The following PTPRR variants were observed in gnomAD, a reference collection of about 807,000 sequenced individuals.
PTPRR encodes protein tyrosine phosphatase receptor type R.
Under a neutral mutation model 77.2 loss-of-function variants are expected in PTPRR, and 38 were observed. The ratio of observed to expected loss-of-function variants is 0.49; its 90% CI spans 0.38 to 0.65. PTPRR has a LOEUF of 0.65. Ranked by LOEUF, PTPRR falls within the 30% of genes least tolerant of loss-of-function variation. The pLI is 0.00. For missense variants in PTPRR, 744 were observed against 799.2 expected (o/e 0.93, Z 0.83); for synonymous variants, 299 against 283.1 (o/e 1.06, Z -0.57).
intron 2 of PTPRR, among the ~76,000 whole-genome samples, chr12:70,774,106 T>C (rs75445087): frequency 4.7e-4 from 71 of 152,302 alleles, no homozygotes; most frequent in African/African-American, 1.7e-3. Flanking sequence ...TGAGACACTG[T>C]ATTGGAGACT....
At chr12:70,778,071 A>T (rs1215206294) in intron 2 of PTPRR, among the ~76,000 whole-genome samples, 1 of 152,206 alleles carries the variant, frequency 6.6e-6, no homozygotes, top group East Asian at 1.9e-4. Flanking sequence ...TTTCATTTCA[A>T]ATCGCTTCTT....
chr12:70,785,947 A>AT (rs1400870981), intron 2 of PTPRR, among the ~76,000 whole-genome samples: 13 of 151,922 alleles, frequency 8.6e-5, no homozygotes, highest in Non-Finnish European at 1.5e-4. Context: ...TTGGGATGTT[A>AT]TTTTTCCCAG....
chr12:70,737,724 T>C (rs1889919247), intron 6 of PTPRR, among the ~76,000 whole-genome samples: 1 of 152,142 alleles, frequency 6.6e-6, no homozygotes, highest in South Asian at 2.1e-4. Flanking sequence ...GGTCTCACTA[T>C]GTTGCCCAGG....
At chr12:70,794,115 C>T (rs1891468152) in intron 2 of PTPRR, among the ~76,000 whole-genome samples, 1 of 152,128 alleles carries the variant, frequency 6.6e-6, no homozygotes, top group Non-Finnish European at 1.5e-5. Flanking sequence ...TACTTTGTCT[C>T]TAGAATCCCC....
At chr12:70,891,432 G>C (rs1393708832) in intron 2 of PTPRR, among the ~76,000 whole-genome samples, 2 of 152,036 alleles carry the variant, frequency 1.3e-5, no homozygotes, top group African/African-American at 4.8e-5. Flanking sequence ...TCACTGAATA[G>C]ACAGAGTACA....
chr12:70,879,223 C>G (rs1893106855), intron 2 of PTPRR, among the ~76,000 whole-genome samples: 1 of 152,036 alleles, frequency 6.6e-6, no homozygotes, highest in East Asian at 1.9e-4. Context: ...GCACATTGCA[C>G]ACATGTACCC....
At chr12:70,647,168 T>C (rs1886230901) in intron 13 of PTPRR, among the ~76,000 whole-genome samples, 1 of 151,950 alleles carries the variant, frequency 6.6e-6, no homozygotes, top group Admixed American at 6.6e-5. Flanking sequence ...AATTTCCTGC[T>C]ACTCAGGAAG....
chr12:70,911,009 A>C (rs1038065014), intron 1 of PTPRR, among the ~76,000 whole-genome samples: 2 of 152,206 alleles, frequency 1.3e-5, no homozygotes, highest in African/African-American at 4.8e-5. Flanking sequence ...CTGAGGTAAA[A>C]TCAGCAGCGA....
At chr12:70,699,838 C>T (rs917240329) in intron 7 of PTPRR, among the ~76,000 whole-genome samples, 3 of 152,022 alleles carry the variant, frequency 2.0e-5, no homozygotes, top group Non-Finnish European at 4.4e-5. Context: ...ATCTTTATTC[C>T]TCCCCTTCTT....
chr12:70,737,486 A>ATATCTATCTATCTATCTATC (rs10643938), intron 6 of PTPRR, among the ~76,000 whole-genome samples: 37 of 144,242 alleles, frequency 2.6e-4, no homozygotes, highest in East Asian at 1.3e-3. Context: ...TATTTAATGA[A>ATATCTATCTATCTATCTATC]TATCTATCTA....
intron 6 of PTPRR, 37 bp from the exon 7 acceptor site, chr12:70,701,360 T>A: frequency 6.3e-7 from 1 of 1,579,834 alleles, no homozygotes; most frequent in Non-Finnish European, 8.7e-7. Flanking sequence ...AAACACCACA[T>A]ACTTATTTTG....
chr12:70,671,818 C>A, intron 10 of PTPRR: 1 of 556,994 alleles, frequency 1.8e-6, no homozygotes, highest in Non-Finnish European at 3.3e-6. Flanking sequence ...CGGCTAGCTG[C>A]AGTCATTGGT....
At chr12:70,830,432 G>T (rs1277005205) in intron 2 of PTPRR, among the ~76,000 whole-genome samples, 8 of 152,170 alleles carry the variant, frequency 5.3e-5, no homozygotes. Flanking sequence ...GCAGGGCAAA[G>T]GAGTATGGTT....
intron 5 of PTPRR, among the ~76,000 whole-genome samples, chr12:70,752,329 G>A (rs933179393): frequency 6.6e-6 from 1 of 152,088 alleles, no homozygotes; most frequent in Non-Finnish European, 1.5e-5. Context: ...TTCTTGATTT[G>A]TTCTAATAAC....
At chr12:70,818,736 A>G (rs1891952028) in intron 2 of PTPRR, among the ~76,000 whole-genome samples, 1 of 152,182 alleles carries the variant, frequency 6.6e-6, no homozygotes, top group Non-Finnish European at 1.5e-5. Flanking sequence ...CAGATATTCA[A>G]TCAATTTTAA....
In PTPRR at chr12:70,869,144, C is replaced by T. The variant is rs544182816; in HGVS notation, c.357+23535G>A. Among the ~76,000 whole-genome samples, 361 of 151,728 alleles carry T rather than the reference C, an allele frequency of 2.4e-3. 2 individuals carry two copies. The highest frequency in any genetic ancestry group is 0.01 in the Middle Eastern group (3 of 294). On this transcript the variant is annotated intron_variant, in intron 2 of 13. Transcript: ENST00000283228. ...GCACATGAATACATATGTAACAAAC[C>T]TGCACATTGTGCACTTGTACCCTAA...
intron 2 of PTPRR, among the ~76,000 whole-genome samples, chr12:70,777,271 T>TCCC (rs1341501457): frequency 6.6e-6 from 1 of 152,116 alleles, no homozygotes; most frequent in Non-Finnish European, 1.5e-5. Context: ...TAGATGTGTT[T>TCCC]TATTGCTTTG....
chr12:70,781,173 C>G (rs73345136), intron 2 of PTPRR, among the ~76,000 whole-genome samples: 2,336 of 152,226 alleles, frequency 0.015, 59 homozygotes, highest in African/African-American at 0.053. Context: ...ATGTCTTGGT[C>G]CACTAAAACA....
intron 1 of PTPRR, among the ~76,000 whole-genome samples, chr12:70,899,748 T>C (rs7132747): frequency 0.32 from 48,683 of 151,076 alleles, 8,192 homozygotes; most frequent in East Asian, 0.48. Flanking sequence ...GACATAAAAC[T>C]GTTCTATTTG....
Sources: allele counts gnomAD v4.1 joint callset (sites outside exome capture counted in the v4.1 genomes callset), GRCh38; gene constraint gnomAD v4.1.1; transcripts MANE v1.5; gene names NCBI Gene and HGNC (gene_info 2026-07-23, HGNC 2026-07-21).